The following DCDC2 variants were observed in gnomAD, a reference collection of about 807,000 sequenced individuals.
The protein encoded by DCDC2 is doublecortin domain containing 2, also known as doublecortin domain-containing protein 2.
A neutral mutation model predicts 50.2 loss-of-function variants in DCDC2; 40 were observed. That is an observed-to-expected ratio of 0.80 (90% CI 0.62 to 1.04). The LOEUF is 1.04. Among genes scored for constraint, DCDC2 ranks in the 50% least tolerant of loss-of-function variants. DCDC2 has a pLI of 0.00. For missense variants in DCDC2, 570 were observed against 581.9 expected, an observed-to-expected ratio of 0.98 and a Z score of 0.21; for synonymous variants, 234 against 210.6, an observed-to-expected ratio of 1.11 and a Z score of -0.96.
At chr6:24,178,682 A>T (rs780558272) in intron 8 of DCDC2, 50 bp from the exon 9 acceptor site, 3 of 1,508,854 alleles carry the variant, frequency 2.0e-6, no homozygotes, top group Non-Finnish European at 2.7e-6. Flanking sequence ...ATAACAGAAC[A>T]TTTCCACTGC....
chr6:24,207,802 G>C (rs1370960011), intron 7 of DCDC2, among the ~76,000 whole-genome samples: 3 of 152,104 alleles, frequency 2.0e-5, no homozygotes, highest in Non-Finnish European at 4.4e-5. Context: ...TTCCCCTCCT[G>C]CTGTATACAC....
At chr6:24,180,316 G>T (rs2113740903) in intron 8 of DCDC2, among the ~76,000 whole-genome samples, 1 of 151,830 alleles carries the variant, frequency 6.6e-6, no homozygotes, top group Admixed American at 6.6e-5. Context: ...ACAGAGTCTT[G>T]CTCTGTCGCC....
At chr6:24,337,999 TA>T (rs1295630498) in intron 2 of DCDC2, among the ~76,000 whole-genome samples, 1 of 152,196 alleles carries the variant, frequency 6.6e-6, no homozygotes, top group East Asian at 1.9e-4. Context: ...ATCTTTTAAT[TA>T]AATTGCATTA....
chr6:24,296,703 T>A (rs1759255811), intron 4 of DCDC2, among the ~76,000 whole-genome samples: 1 of 152,122 alleles, frequency 6.6e-6, no homozygotes, highest in African/African-American at 2.4e-5. Flanking sequence ...CCAACAAGCA[T>A]ATGAAAAAGA....
chr6:24,256,671 G>A (rs1228131274), intron 7 of DCDC2, among the ~76,000 whole-genome samples: 1 of 152,122 alleles, frequency 6.6e-6, no homozygotes, highest in Non-Finnish European at 1.5e-5. Flanking sequence ...GTGTTTGGGA[G>A]GCCACTATTT....
chr6:24,330,677 G>A lies in DCDC2; in HGVS notation c.348+22892C>T, dbSNP rs573589900. Among the ~76,000 whole-genome samples, 4 of 152,220 alleles carry A rather than the reference G, an allele frequency of 2.6e-5. No individual in the cohort carries two copies. In the East Asian group the frequency reaches 7.7e-4, roughly 29 times the overall value. On this transcript the variant is annotated intron_variant, in intron 2 of 9. Coordinates refer to ENST00000378454, the MANE Select transcript of DCDC2 (RefSeq NM_016356.5). ...TCACACAGGATCCCACAGCTCAAGG[G>A]GGACAGAGAGAACTTAGAAAGGAAA...
chr6:24,375,426 C>A, the DCDC2 span, among the ~76,000 whole-genome samples: 5 of 152,006 alleles, frequency 3.3e-5, no homozygotes, highest in Admixed American at 6.6e-5. Flanking sequence ...AACTCCCCCC[C>A]CCAACCCCGC....
intron 8 of DCDC2, among the ~76,000 whole-genome samples, chr6:24,197,106 A>G (rs1468834655): frequency 2.7e-5 from 4 of 149,766 alleles, no homozygotes; most frequent in African/African-American, 7.5e-5. Flanking sequence ...CTTCAAGCAC[A>G]TACCAATTTG....
intron 8 of DCDC2, among the ~76,000 whole-genome samples, chr6:24,185,954 G>A (rs1393542527): frequency 1.3e-5 from 2 of 152,108 alleles, no homozygotes; most frequent in Non-Finnish European, 2.9e-5. Flanking sequence ...CACCAGCCCT[G>A]GGAACTTGTA....
the DCDC2 span, among the ~76,000 whole-genome samples, chr6:24,381,924 G>GAGAA: frequency 1.3e-3 from 165 of 131,412 alleles, 5 homozygotes; most frequent in South Asian, 0.034. Flanking sequence ...AAGAGAGAAA[G>GAGAA]AGAAAGAAAG....
intron 2 of DCDC2, among the ~76,000 whole-genome samples, chr6:24,338,411 G>T (rs1024677226): frequency 1.3e-5 from 2 of 151,506 alleles, no homozygotes; most frequent in Non-Finnish European, 2.9e-5. Flanking sequence ...CTATCCAGTA[G>T]CCCAGGCCAG....
At chr6:24,364,210 A>G in the DCDC2 span, among the ~76,000 whole-genome samples, 1 of 152,122 alleles carries the variant, frequency 6.6e-6, no homozygotes, top group South Asian at 2.1e-4. Context: ...CCCCCAACAT[A>G]TTACATATTT....
At chr6:24,182,415 A>G (rs1309610505) in intron 8 of DCDC2, among the ~76,000 whole-genome samples, 1 of 152,166 alleles carries the variant, frequency 6.6e-6, no homozygotes, top group Non-Finnish European at 1.5e-5. Flanking sequence ...TTTATCTGAT[A>G]AAGGCTTGAT....
intron 8 of DCDC2, among the ~76,000 whole-genome samples, chr6:24,183,019 T>C (rs1484766921): frequency 1.3e-5 from 2 of 152,182 alleles, no homozygotes; most frequent in East Asian, 3.8e-4. Flanking sequence ...ACAGAGATAT[T>C]ATGCTAAGTG....
chr6:24,367,809 G>A, the DCDC2 span, among the ~76,000 whole-genome samples: 1 of 152,132 alleles, frequency 6.6e-6, no homozygotes, highest in Admixed American at 6.5e-5. Flanking sequence ...ATGGGAATCT[G>A]AAGGAACAAG....
chr6:24,278,481 A>G (rs942294886), intron 6 of DCDC2, among the ~76,000 whole-genome samples: 1 of 152,112 alleles, frequency 6.6e-6, no homozygotes, highest in Non-Finnish European at 1.5e-5. Context: ...TATTCACTCA[A>G]TCCTCATGCT....
chr6:24,213,664 T>C (rs953915980), intron 7 of DCDC2, among the ~76,000 whole-genome samples: 2 of 152,180 alleles, frequency 1.3e-5, no homozygotes, highest in African/African-American at 4.8e-5. Flanking sequence ...CATCACAGCA[T>C]CTTGTTGAAA....
intron 9 of DCDC2, among the ~76,000 whole-genome samples, chr6:24,176,642 G>C (rs1327043597): frequency 6.6e-6 from 1 of 152,124 alleles, no homozygotes; most frequent in Non-Finnish European, 1.5e-5. Context: ...AATCTGCTCT[G>C]TTAGTGATTT....
intron 7 of DCDC2, among the ~76,000 whole-genome samples, chr6:24,246,707 G>C (rs1042959994): frequency 5.3e-5 from 8 of 151,856 alleles, no homozygotes; most frequent in African/African-American, 1.2e-4. Flanking sequence ...GGTTGGTCTT[G>C]AACTCCTGAC....
Sources: gnomAD v4.1 joint callset for allele counts (sites outside exome capture counted in the v4.1 genomes callset) on GRCh38, gnomAD v4.1.1 for gene constraint, MANE v1.5 for transcripts, NCBI Gene and HGNC (gene_info 2026-07-23, HGNC 2026-07-21) for gene names.